MUSK: variants seen among roughly 807,000 people sequenced by gnomAD.
MUSK encodes muscle, skeletal receptor tyrosine-protein kinase.
MUSK carries 55 observed loss-of-function variants against 88.7 expected under a neutral mutation model. The observed-to-expected ratio is 0.62, with a 90% confidence interval of 0.50 to 0.78. The LOEUF (loss-of-function observed/expected upper bound fraction) is 0.78. Among genes scored for constraint, MUSK ranks in the 30% least tolerant of loss-of-function variants. The probability of loss-of-function intolerance (pLI) is 0.00; values close to 1 mark genes in which losing one functional copy is unlikely to be tolerated. For missense variants in MUSK, 1,015 were observed against 1,074.3 expected, an observed-to-expected ratio of 0.94 and a Z score of 0.77; for synonymous variants, 387 against 391.9, an observed-to-expected ratio of 0.99 and a Z score of 0.15.
chr9:110,708,420 C>T (rs1229927565), intron 5 of MUSK, among the ~76,000 whole-genome samples: 1 of 152,144 alleles, frequency 6.6e-6, no homozygotes, highest in Non-Finnish European at 1.5e-5. Flanking sequence ...TGCAGTGGTC[C>T]TGTTCCCGGC....
intron 5 of MUSK, among the ~76,000 whole-genome samples, chr9:110,715,994 A>G (rs760652519): frequency 4.0e-5 from 6 of 149,336 alleles, no homozygotes; most frequent in Non-Finnish European, 7.4e-5. Context: ...GAGGAAGGAG[A>G]GCTTCAGGAA....
intron 5 of MUSK, among the ~76,000 whole-genome samples, chr9:110,722,216 G>C (rs1349590116): frequency 6.6e-6 from 1 of 152,058 alleles, no homozygotes; most frequent in Non-Finnish European, 1.5e-5. Context: ...AAAAGCAAAT[G>C]CAACAAAAAC....
At chr9:110,699,539 A>T (rs2076474492) in intron 5 of MUSK, among the ~76,000 whole-genome samples, 1 of 152,170 alleles carries the variant, frequency 6.6e-6, no homozygotes, top group Non-Finnish European at 1.5e-5. Context: ...CCACTTGAAT[A>T]AATAGTTGAG....
chr9:110,733,579 T>C (rs953910431), intron 5 of MUSK, among the ~76,000 whole-genome samples: 2 of 152,084 alleles, frequency 1.3e-5, no homozygotes, highest in African/African-American at 2.4e-5. Flanking sequence ...TATCCTTTTT[T>C]TTTTTTGCCC....
rs539173003 is a variant in MUSK at position 110,772,703 on chromosome 9, A to G, written c.1185-3085A>G. Among the ~76,000 whole-genome samples, 54 of 152,234 alleles carry G rather than the reference A, an allele frequency of 3.5e-4. No individual in the cohort carries two copies. In the East Asian group the frequency reaches 6.5e-3, roughly 18 times the overall value. On this transcript the variant is annotated intron_variant, in intron 9 of 14. Coordinates refer to ENST00000374448, the MANE Select transcript of MUSK (RefSeq NM_005592.4). Reference sequence around the variant, plus strand: ...CCAATAGTTTAATAGTGATGCGTCAAAATTTTCACAATTGTGTTTCCAAGA... The same window carrying G: ...CCAATAGTTTAATAGTGATGCGTCAGAATTTTCACAATTGTGTTTCCAAGA...
At chr9:110,798,563 G>A (rs561524645) in intron 14 of MUSK, among the ~76,000 whole-genome samples, 2 of 152,158 alleles carry the variant, frequency 1.3e-5, no homozygotes, top group East Asian at 3.9e-4. Flanking sequence ...ATCCATCTAT[G>A]CATCCATCCT....
chr9:110,787,545 T>C, intron 13 of MUSK, 145 bp from the exon 14 acceptor site: 1 of 673,318 alleles, frequency 1.5e-6, no homozygotes, highest in Non-Finnish European at 2.4e-6. Context: ...TGTCTTTCTT[T>C]GATTCTGTGG....
intron 11 of MUSK, among the ~76,000 whole-genome samples, chr9:110,781,448 T>G (rs1452023100): frequency 6.6e-6 from 1 of 152,106 alleles, no homozygotes; most frequent in Non-Finnish European, 1.5e-5. Context: ...AGCTAATTTT[T>G]TGTATTTTTA....
At chr9:110,677,568 GTTT>G (rs2076047808) in intron 1 of MUSK, among the ~76,000 whole-genome samples, 1 of 152,062 alleles carries the variant, frequency 6.6e-6, no homozygotes, top group Non-Finnish European at 1.5e-5. Flanking sequence ...AAATGTTTGT[GTTT>G]TCTTCTAATT....
At chr9:110,787,088 C>T (rs1021707740) in intron 13 of MUSK, among the ~76,000 whole-genome samples, 5 of 152,016 alleles carry the variant, frequency 3.3e-5, no homozygotes, top group South Asian at 4.2e-4. Context: ...TGTGGCTGGG[C>T]GCGATGGCTC....
In MUSK at chr9:110,800,401, G is replaced by T; in HGVS notation, c.2023G>T (p.Val675Leu). The part of the protein sequence containing the change: ...EFLRSMSPHT[V>L]CSLSHSDLSM... ...CCTCCGCAGCATGTCCCCTCACACC[G>T]TGTGCAGCCTCAGTCACAGTGACTT... The change falls in exon 15 of 15, where the codon GTG becomes TTG. Residue 675 changes from valine (V) to leucine (L), a missense_variant. Val to Leu is a conservative substitution (Grantham distance 32). Coordinates refer to ENST00000374448, the MANE Select transcript of MUSK (RefSeq NM_005592.4). 2 of 1,613,766 alleles carry T rather than the reference G, an allele frequency of 1.2e-6. No homozygotes were observed. The highest frequency in any genetic ancestry group is 1.1e-5 in the South Asian group (1 of 91,064).
chr9:110,739,862 T>C (rs1400073870), intron 6 of MUSK, among the ~76,000 whole-genome samples: 3 of 152,206 alleles, frequency 2.0e-5, no homozygotes, highest in Admixed American at 2.0e-4. Flanking sequence ...ATAACTCATC[T>C]AACTGGTGGC....
intron 3 of MUSK, among the ~76,000 whole-genome samples, chr9:110,695,056 GAATT>G (rs1307390156): frequency 6.6e-6 from 1 of 152,070 alleles, no homozygotes; most frequent in Non-Finnish European, 1.5e-5. Context: ...CTATCAGTAT[GAATT>G]AAATAATGTT....
intron 7 of MUSK, among the ~76,000 whole-genome samples, chr9:110,750,345 C>T (rs966195638): frequency 2.0e-5 from 3 of 152,026 alleles, no homozygotes; most frequent in South Asian, 4.1e-4. Flanking sequence ...CTTCTGGACA[C>T]CCCCCACACC....
intron 1 of MUSK, among the ~76,000 whole-genome samples, chr9:110,672,508 A>G (rs533216908): frequency 6.6e-6 from 1 of 152,208 alleles, no homozygotes; most frequent in Non-Finnish European, 1.5e-5. Context: ...CAGGGTCAGT[A>G]CAGCTAAAGA....
At chr9:110,758,994 A>G (rs536902939) in intron 7 of MUSK, among the ~76,000 whole-genome samples, 1 of 152,328 alleles carries the variant, frequency 6.6e-6, no homozygotes, top group African/African-American at 2.4e-5. Flanking sequence ...TAAAATTCAT[A>G]TAGAATCAAA....
At chr9:110,733,765 A>G (rs1454840692) in intron 5 of MUSK, among the ~76,000 whole-genome samples, 1 of 152,108 alleles carries the variant, frequency 6.6e-6, no homozygotes, top group Non-Finnish European at 1.5e-5. Context: ...TTTTGGCTTC[A>G]AACAATCTAA....
At chr9:110,755,941 TATATATATACACATATATATATAC>T (rs2077308598) in intron 7 of MUSK, among the ~76,000 whole-genome samples, 1 of 76,520 alleles carries the variant, frequency 1.3e-5, no homozygotes, top group Non-Finnish European at 2.6e-5. Flanking sequence ...TACATATATA[TATATATATACACATATATATATAC>T]ATATATATAT....
intron 2 of MUSK, 87 bp from the exon 3 acceptor site, chr9:110,687,030 T>C: frequency 7.3e-7 from 1 of 1,363,362 alleles, no homozygotes; most frequent in East Asian, 2.3e-5. Flanking sequence ...TACTTCCTCA[T>C]TAACAAGTCA....
Sources: allele counts gnomAD v4.1 joint callset (sites outside exome capture counted in the v4.1 genomes callset), GRCh38; gene constraint gnomAD v4.1.1; transcripts MANE v1.5; gene names NCBI Gene and HGNC (gene_info 2026-07-23, HGNC 2026-07-21).